The following PTPN9 variants were observed in gnomAD, a reference collection of about 807,000 sequenced individuals.
PTPN9 encodes the protein protein tyrosine phosphatase non-receptor type 9, also known as tyrosine-protein phosphatase non-receptor type 9.
PTPN9 carries 26 observed loss-of-function variants against 69.8 expected under a neutral mutation model. That is an observed-to-expected ratio of 0.37 (90% CI 0.27 to 0.52). The LOEUF (loss-of-function observed/expected upper bound fraction) is 0.52. Ranked by LOEUF, PTPN9 falls within the 20% of genes least tolerant of loss-of-function variation. PTPN9 has a pLI of 0.91. For synonymous variants in PTPN9, 274 were observed against 272.5 expected, an observed-to-expected ratio of 1.01 and a Z score of -0.05; for missense variants, 549 against 740.3, an observed-to-expected ratio of 0.74 and a Z score of 3.00.
In PTPN9 at chr15:75,464,699, A is replaced by C. The variant is rs545581758; in HGVS notation, c.*4070T>G. 21 of 152,284 alleles carry C rather than the reference A, an allele frequency of 1.4e-4. No individual in the cohort carries two copies. Among genetic ancestry groups the C allele is most frequent in the African/African-American group, 4.8e-4 (20 of 41,560 alleles). The allele number at this position is 152,284 out of a possible 1,614,324, so 9.4% of individuals were successfully genotyped here. On this transcript the variant is annotated 3_prime_UTR_variant, in exon 13 of 13. Transcript: ENST00000618819. Reference sequence around the variant, plus strand: ...AATTCCCTCTAGGTCTCTGATTTATAAAAGTTTTTGTATGTGTGTCTGTCT... The same window carrying C: ...AATTCCCTCTAGGTCTCTGATTTATCAAAGTTTTTGTATGTGTGTCTGTCT...
chr15:75,564,422 G>A (rs1210011770), intron 1 of PTPN9, among the ~76,000 whole-genome samples: 5 of 151,856 alleles, frequency 3.3e-5, no homozygotes, highest in African/African-American at 4.8e-5. Context: ...GTGAAACCCC[G>A]TCTCTACTAA....
intron 11 of PTPN9, 127 bp from the exon 12 acceptor site, chr15:75,470,126 CT>C: frequency 1.2e-6 from 1 of 863,902 alleles, no homozygotes. Flanking sequence ...CCACTGTCAA[CT>C]TTTCCCATAA....
chr15:75,575,918 CAAAAAA>C (rs759810846), intron 1 of PTPN9, among the ~76,000 whole-genome samples: 9 of 39,276 alleles, frequency 2.3e-4, no homozygotes, highest in Admixed American at 6.2e-4. Context: ...GACTCCATCT[CAAAAAA>C]AAAAAAAAAA....
At chr15:75,559,783 A>AAAAAAAAG (rs925206692) in intron 1 of PTPN9, among the ~76,000 whole-genome samples, 13 of 142,536 alleles carry the variant, frequency 9.1e-5, no homozygotes, top group African/African-American at 2.6e-4. Flanking sequence ...AAAAAAAAAA[A>AAAAAAAAG]AAGAAGAAAG....
intron 8 of PTPN9, among the ~76,000 whole-genome samples, chr15:75,488,086 G>A (rs2074688755): frequency 6.6e-6 from 1 of 151,488 alleles, no homozygotes; most frequent in African/African-American, 2.4e-5. Flanking sequence ...TTCAAGACCA[G>A]CCTGACCAAA....
intron 1 of PTPN9, among the ~76,000 whole-genome samples, chr15:75,552,041 CAA>C (rs1312052010): frequency 3.9e-5 from 4 of 101,298 alleles, no homozygotes; most frequent in Non-Finnish European, 4.1e-5. Context: ...GACTCCATCT[CAA>C]AAAAAAAAAA....
chr15:75,534,604 T>G (rs8043300), intron 1 of PTPN9, among the ~76,000 whole-genome samples: 90,159 of 150,360 alleles, frequency 0.6, 28,225 homozygotes, highest in African/African-American at 0.8. Flanking sequence ...GAGCCTAGGA[T>G]GCCAAGGCTG....
Position 75,547,648 on chromosome 15 carries a change from T to C in PTPN9, c.64-20387A>G, listed in dbSNP as rs138242541. ...AACACCAGACCTTAACAATAGCTAATATTTACTGGATATAGGGTTCTTTTT... is the reference window on the plus strand; with the variant it reads ...AACACCAGACCTTAACAATAGCTAACATTTACTGGATATAGGGTTCTTTTT... On this transcript the variant is annotated intron_variant, in intron 1 of 12. Coordinates refer to ENST00000618819, the MANE Select transcript of PTPN9 (RefSeq NM_002833.4). Among the ~76,000 whole-genome samples, 10 of 150,872 alleles carry C rather than the reference T, an allele frequency of 6.6e-5. No homozygotes were observed. In the East Asian group the frequency reaches 2.0e-3, roughly 29 times the overall value.
At chr15:75,512,769 C>A (rs375651172) in intron 5 of PTPN9, 1 of 266,442 alleles carries the variant, frequency 3.8e-6, no homozygotes, top group East Asian at 1.0e-4. Flanking sequence ...AGAAAAGACG[C>A]TATTCTCTCA....
In PTPN9 at chr15:75,525,924, C is replaced by CA. The variant is rs1041347599; in HGVS notation, c.207+1193dup. ...TGGGAGACACAGCAAGACTCTGTCT[C>CA]AAAAAAAAAAGTGCTTCCACAGAAT... is the stretch of plus-strand genomic sequence containing the variant. On this transcript the variant is annotated intron_variant, in intron 2 of 12. Coordinates refer to ENST00000618819, the MANE Select transcript of PTPN9 (RefSeq NM_002833.4). 1.4e-4 allele frequency among the ~76,000 whole-genome samples: 20 copies of CA among 144,488 alleles called. No homozygotes were observed. The East Asian group carries it at 2.0e-3, about 15-fold the overall frequency. 94.8% of individuals were successfully genotyped at this position (144,488 alleles called of 152,430 possible).
chr15:75,540,116 C>T (rs905096499), intron 1 of PTPN9, among the ~76,000 whole-genome samples: 1 of 152,108 alleles, frequency 6.6e-6, no homozygotes, highest in African/African-American at 2.4e-5. Flanking sequence ...GTTTCTCTGC[C>T]TTTTTGAAGG....
At chr15:75,507,300 G>C (rs1310347701) in intron 6 of PTPN9, among the ~76,000 whole-genome samples, 1 of 151,990 alleles carries the variant, frequency 6.6e-6, no homozygotes. Context: ...ACAAGAATTA[G>C]CTGGGCATGT....
chr15:75,558,656 G>A (rs1207778890), intron 1 of PTPN9, among the ~76,000 whole-genome samples: 1 of 152,212 alleles, frequency 6.6e-6, no homozygotes, highest in Non-Finnish European at 1.5e-5. Flanking sequence ...AGCCTGCCGA[G>A]TGCCTGCGAC....
At chr15:75,541,084 AAAAAAAT>A (rs925712156) in intron 1 of PTPN9, among the ~76,000 whole-genome samples, 1 of 151,770 alleles carries the variant, frequency 6.6e-6, no homozygotes, top group Admixed American at 6.6e-5. Context: ...CTCAAAAAAT[AAAAAAAT>A]AAAAAATAAA....
intron 7 of PTPN9, among the ~76,000 whole-genome samples, chr15:75,501,601 G>A (rs2074773136): frequency 6.6e-6 from 1 of 151,866 alleles, no homozygotes; most frequent in South Asian, 2.1e-4. Flanking sequence ...ACAGGAGTGT[G>A]CCACCATGCC....
chr15:75,504,867 C>A (rs1244930304), intron 7 of PTPN9, among the ~76,000 whole-genome samples: 1 of 150,140 alleles, frequency 6.7e-6, no homozygotes, highest in Admixed American at 6.6e-5. Context: ...TGGCCAGCCA[C>A]CCCGTCCGGG....
intron 8 of PTPN9, among the ~76,000 whole-genome samples, chr15:75,480,414 C>T (rs903205498): frequency 2.5e-4 from 38 of 152,168 alleles, no homozygotes; most frequent in African/African-American, 7.7e-4. Flanking sequence ...ACCATCCTGG[C>T]TAACACGGCG....
chr15:75,505,595 G>A, intron 7 of PTPN9, 80 bp downstream of exon 7: 1 of 1,039,062 alleles, frequency 9.6e-7, no homozygotes, highest in Non-Finnish European at 1.5e-6. Context: ...CTAAGCAAGT[G>A]AGGGGTGGAA....
At chr15:75,547,316 A>T (rs1247808967) in intron 1 of PTPN9, among the ~76,000 whole-genome samples, 2 of 126,102 alleles carry the variant, frequency 1.6e-5, no homozygotes, top group African/African-American at 2.9e-5. Context: ...AAAAAAAAAA[A>T]GGCCAGGCAC....
Sources: gnomAD v4.1 joint callset for allele counts (sites outside exome capture counted in the v4.1 genomes callset) on GRCh38, gnomAD v4.1.1 for gene constraint, MANE v1.5 for transcripts, NCBI Gene and HGNC (gene_info 2026-07-23, HGNC 2026-07-21) for gene names.